NAV2: variants seen among roughly 807,000 people sequenced by gnomAD.
NAV2 encodes helicase, APC down-regulated 1.
In NAV2, 54 loss-of-function variants were observed where a neutral mutation model predicts 223.2. The observed-to-expected ratio is 0.24, with a 90% CI of 0.19 to 0.30. The LOEUF is 0.30. Among genes scored for constraint, NAV2 ranks in the 10% least tolerant of loss-of-function variants. NAV2 has a pLI of 1.00. For missense variants in NAV2, 2,806 were observed against 3,147.5 expected, an observed-to-expected ratio of 0.89 and a Z score of 2.60; for synonymous variants, 1,279 against 1,239.3, an observed-to-expected ratio of 1.03 and a Z score of -0.67.
At chr11:19,443,862 G>A (rs1018571687) in intron 1 of NAV2, among the ~76,000 whole-genome samples, 1 of 152,172 alleles carries the variant, frequency 6.6e-6, no homozygotes, top group African/African-American at 2.4e-5. Context: ...CAAGTACTTA[G>A]CACAGAGCCT....
At chr11:20,102,654 T>G (rs1484086441) in intron 32 of NAV2, among the ~76,000 whole-genome samples, 1 of 152,190 alleles carries the variant, frequency 6.6e-6, no homozygotes, top group Non-Finnish European at 1.5e-5. Flanking sequence ...CTCCTTATCT[T>G]GCCGTTTCAG....
intron 15 of NAV2, among the ~76,000 whole-genome samples, chr11:20,049,627 C>A (rs190099701): frequency 2.0e-5 from 3 of 152,060 alleles, no homozygotes; most frequent in Non-Finnish European, 1.5e-5. Flanking sequence ...GGCAAACACC[C>A]TCCTCCTGGA....
intron 27 of NAV2, 70 bp from the exon 28 acceptor site, chr11:20,092,135 TC>T: frequency 2.0e-6 from 3 of 1,494,792 alleles, no homozygotes; most frequent in Non-Finnish European, 2.8e-6. Flanking sequence ...AACTTTCAGA[TC>T]CTTCCTTCAG....
intron 1 of NAV2, among the ~76,000 whole-genome samples, chr11:19,781,924 G>A (rs1256556888): frequency 2.0e-5 from 3 of 152,078 alleles, no homozygotes; most frequent in Non-Finnish European, 2.9e-5. Flanking sequence ...CTCTTTACAC[G>A]TATAGACTGA....
At chr11:19,437,916 C>T (rs372157176) in intron 1 of NAV2, among the ~76,000 whole-genome samples, 2 of 152,226 alleles carry the variant, frequency 1.3e-5, no homozygotes, top group African/African-American at 4.8e-5. Flanking sequence ...AGAATCACTT[C>T]TGAGTCATTG....
intron 1 of NAV2, among the ~76,000 whole-genome samples, chr11:19,538,441 C>T (rs894799359): frequency 1.2e-4 from 19 of 152,032 alleles, no homozygotes; most frequent in African/African-American, 1.4e-4. Context: ...CGTAGGTTCA[C>T]GCAATCCTTC....
chr11:20,019,323 G>C (rs1204876501), intron 11 of NAV2, among the ~76,000 whole-genome samples: 12 of 152,216 alleles, frequency 7.9e-5, no homozygotes, highest in African/African-American at 2.4e-4. Flanking sequence ...TACATCGGAG[G>C]CAAGAAGGAG....
chr11:19,856,506 A>T (rs1465487750), intron 3 of NAV2, among the ~76,000 whole-genome samples: 1 of 152,184 alleles, frequency 6.6e-6, no homozygotes, highest in Non-Finnish European at 1.5e-5. Context: ...ATCATCAGTG[A>T]TCTAGGATTC....
chr11:19,604,862 G>A (rs2135276079), intron 1 of NAV2, among the ~76,000 whole-genome samples: 1 of 152,232 alleles, frequency 6.6e-6, no homozygotes, highest in East Asian at 1.9e-4. Flanking sequence ...AGATCTAATG[G>A]TTTTAAAAAT....
At chr11:19,832,150 C>A (rs778358079) in intron 1 of NAV2, among the ~76,000 whole-genome samples, 1 of 152,184 alleles carries the variant, frequency 6.6e-6, no homozygotes, top group African/African-American at 2.4e-5. Flanking sequence ...TTGCTTGCAT[C>A]TAGAGTCGCA....
intron 26 of NAV2, among the ~76,000 whole-genome samples, chr11:20,083,971 CA>C (rs1362281049): frequency 1.3e-5 from 2 of 152,210 alleles, no homozygotes; most frequent in East Asian, 3.9e-4. Context: ...AGCAGCTTAC[CA>C]GATGGGTAGA....
At chr11:19,356,181 C>T (rs957822441) in intron 1 of NAV2, among the ~76,000 whole-genome samples, 3 of 152,146 alleles carry the variant, frequency 2.0e-5, no homozygotes, top group African/African-American at 7.2e-5. Context: ...TACCACAGCA[C>T]ATTTAAAATA....
chr11:19,566,220 G>A (rs1381541756), intron 1 of NAV2, among the ~76,000 whole-genome samples: 3 of 151,854 alleles, frequency 2.0e-5, no homozygotes, highest in South Asian at 2.1e-4. Context: ...ACAGGTGCAC[G>A]CCAACACACC....
intron 22 of NAV2, 65 bp from the exon 23 acceptor site, chr11:20,077,487 C>T (rs192316173): frequency 2.1e-4 from 265 of 1,286,100 alleles, no homozygotes; most frequent in Middle Eastern, 1.1e-3. Flanking sequence ...CTTTAAGAGC[C>T]AGACACCTTC....
chr11:19,994,563 A>G (rs1483756657), intron 11 of NAV2, among the ~76,000 whole-genome samples: 2 of 152,084 alleles, frequency 1.3e-5, no homozygotes, highest in African/African-American at 4.8e-5. Flanking sequence ...AAAAAAAAAA[A>G]AAAAAAGAGT....
At chr11:19,387,094 G>T (rs556726243) in intron 1 of NAV2, among the ~76,000 whole-genome samples, 2 of 152,130 alleles carry the variant, frequency 1.3e-5, no homozygotes, top group South Asian at 4.2e-4. Context: ...TCTCTCATTT[G>T]CTAAGTGTGC....
intron 1 of NAV2, among the ~76,000 whole-genome samples, chr11:19,546,554 G>A (rs2134594330): frequency 6.6e-6 from 1 of 152,334 alleles, no homozygotes; most frequent in Non-Finnish European, 1.5e-5. Context: ...GGAGGGCTGT[G>A]TACAGAAGGA....
rs1251693506 is a variant in NAV2, at chr11:19,426,707, T to TTG, written c.75+75680_75+75681insTG. Among the ~76,000 whole-genome samples the TTG allele has an allele frequency of 1.3e-3, 197 of 148,506 alleles. 1 individual carries two copies. Among genetic ancestry groups the TTG allele is most frequent in the African/African-American group, 4.5e-3 (183 of 40,338 alleles). ...AACAGTCCCATCAATTTTTTTTTTTTAGTTGGGGGGCGGGGTTGTCATCAA... is the reference window on the plus strand; with the variant it reads ...AACAGTCCCATCAATTTTTTTTTTTTTGAGTTGGGGGGCGGGGTTGTCATCAA... On this transcript the variant is annotated intron_variant, in intron 1 of 37. Transcript: ENST00000360655.
intron 31 of NAV2, among the ~76,000 whole-genome samples, chr11:20,100,568 TGTGTG>T (rs2061569228): frequency 6.6e-6 from 1 of 151,040 alleles, no homozygotes. Context: ...TGTGTGTGTG[TGTGTG>T]TGTGTGTGTG....
Sources: gnomAD v4.1 joint callset for allele counts (sites outside exome capture counted in the v4.1 genomes callset) on GRCh38, gnomAD v4.1.1 for gene constraint, MANE v1.5 for transcripts, NCBI Gene and HGNC (gene_info 2026-07-23, HGNC 2026-07-21) for gene names.